The following SH3RF2 variants were observed in gnomAD, a reference collection of about 807,000 sequenced individuals.
The protein encoded by SH3RF2 is E3 ubiquitin-protein ligase SH3RF2.
SH3RF2 carries 43 observed loss-of-function variants against 59.0 expected under a neutral mutation model. The ratio of observed to expected loss-of-function variants is 0.73; its 90% CI spans 0.57 to 0.94. SH3RF2 has a LOEUF of 0.94. SH3RF2 is among the 40% of genes least tolerant of loss of function. The pLI is 0.00. For synonymous variants in SH3RF2, 391 were observed against 391.5 expected (o/e 1.00, Z 0.01); for missense variants, 930 against 940.1 (o/e 0.99, Z 0.14).
chr5:146,007,354 G>A (rs1351650477), intron 4 of SH3RF2, among the ~76,000 whole-genome samples: 1 of 152,212 alleles, frequency 6.6e-6, no homozygotes, highest in Non-Finnish European at 1.5e-5. Flanking sequence ...GATTGACAGA[G>A]GCAGGCGTAG....
At chr5:146,018,235 C>G (rs1456639386) in intron 5 of SH3RF2, among the ~76,000 whole-genome samples, 1 of 152,032 alleles carries the variant, frequency 6.6e-6, no homozygotes, top group Non-Finnish European at 1.5e-5. Context: ...AATTTTTCTT[C>G]CCTTAACCAC....
chr5:146,054,617 T>C (rs1364019644), intron 7 of SH3RF2, among the ~76,000 whole-genome samples: 1 of 152,212 alleles, frequency 6.6e-6, no homozygotes, highest in Admixed American at 6.5e-5. Context: ...CAGGTTGAAG[T>C]CCCCTTGCTG....
downstream of SH3RF2, among the ~76,000 whole-genome samples, chr5:146,065,719 G>A (rs79159860): frequency 5.2e-3 from 796 of 152,298 alleles, 8 homozygotes; most frequent in African/African-American, 0.018. Context: ...CATCTTTGTG[G>A]AGTTTTAAGA....
chr5:146,013,695 C>T (rs1297891013), intron 4 of SH3RF2, 52 bp from the exon 5 acceptor site: 18 of 1,602,208 alleles, frequency 1.1e-5, no homozygotes, highest in Non-Finnish European at 1.4e-5. Context: ...GAACTGGCTA[C>T]TCACATTAGA....
chr5:145,987,782 A>G (rs1759771666), intron 2 of SH3RF2, among the ~76,000 whole-genome samples: 1 of 152,222 alleles, frequency 6.6e-6, no homozygotes, highest in African/African-American at 2.4e-5. Context: ...TAGAGCTGGG[A>G]AGTCAGACCA....
exon 10 of SH3RF2, chr5:146,079,703 C>CGG (rs1580965685): frequency 6.6e-6 from 1 of 152,162 alleles, no homozygotes; most frequent in East Asian, 1.9e-4. Context: ...AGGCAGCCAT[C>CGG]TTTTAATGCG....
chr5:146,048,564 C>CT (rs1202879613), intron 6 of SH3RF2, among the ~76,000 whole-genome samples: 2 of 152,166 alleles, frequency 1.3e-5, no homozygotes, highest in African/African-American at 4.8e-5. Context: ...GTAGAGAACA[C>CT]TCCCCCATTC....
Position 146,070,979 on chromosome 5 carries a change from G to A in SH3RF2, c.*34-7481G>A, listed in dbSNP as rs142660463. Among the ~76,000 whole-genome samples, 243 of 152,238 alleles carry A rather than the reference G, an allele frequency of 1.6e-3. 2 individuals carry two copies. Among genetic ancestry groups the A allele is most frequent in the African/African-American group, 5.5e-3 (230 of 41,550 alleles). On this transcript the variant is annotated intron_variant, in intron 9 of 9. Coordinates refer to the SH3RF2 transcript ENST00000511217. ...GGAATCAGTGCTAGCATGACCGACC[G>A]ACTTAATGAGAGCCATTTTTGATGT...
chr5:145,958,308 A>G (rs1385370378), intron 2 of SH3RF2, among the ~76,000 whole-genome samples: 3 of 152,090 alleles, frequency 2.0e-5, no homozygotes, highest in Non-Finnish European at 4.4e-5. Context: ...TCCAGAGTCA[A>G]CTCAGACCAC....
At chr5:146,072,219 G>A (rs1763253370) in intron 9 of SH3RF2, among the ~76,000 whole-genome samples, 1 of 152,144 alleles carries the variant, frequency 6.6e-6, no homozygotes, top group African/African-American at 2.4e-5. Context: ...AGAAAAGTGG[G>A]AACAATAATC....
chr5:146,070,822 G>A (rs1403737146), intron 9 of SH3RF2, among the ~76,000 whole-genome samples: 2 of 152,226 alleles, frequency 1.3e-5, no homozygotes, highest in Non-Finnish European at 2.9e-5. Flanking sequence ...GGCAAATGGG[G>A]TCACTGCTGG....
chr5:146,063,859 AAAAAAAG>A (rs1407073407), downstream of SH3RF2, among the ~76,000 whole-genome samples: 1 of 151,078 alleles, frequency 6.6e-6, no homozygotes. Context: ...GATTCTGTCT[AAAAAAAG>A]AAAAAAGAAA....
At chr5:145,985,644 T>G (rs910106329) in intron 2 of SH3RF2, among the ~76,000 whole-genome samples, 2 of 152,194 alleles carry the variant, frequency 1.3e-5, no homozygotes, top group Admixed American at 1.3e-4. Context: ...TTTTGCCAAT[T>G]TGGTTTCATC....
chr5:146,039,126 C>G (rs550209574), intron 5 of SH3RF2, among the ~76,000 whole-genome samples: 74 of 152,100 alleles, frequency 4.9e-4, no homozygotes, highest in Non-Finnish European at 9.8e-4. Flanking sequence ...TTGGATTCCT[C>G]CCTTGTCAAA....
intron 2 of SH3RF2, chr5:145,997,884 C>A: frequency 1.0e-6 from 1 of 982,780 alleles, no homozygotes; most frequent in Non-Finnish European, 1.7e-6. Flanking sequence ...GCCAACAGAA[C>A]TCAGCTCTGA....
intron 4 of SH3RF2, among the ~76,000 whole-genome samples, chr5:146,010,668 A>G (rs1390248833): frequency 6.6e-6 from 1 of 152,188 alleles, no homozygotes; most frequent in Non-Finnish European, 1.5e-5. Context: ...TTTGCTGCAT[A>G]AATGTCTTCT....
chr5:146,060,047 G>A lies in SH3RF2; in HGVS notation c.1737G>A (p.Glu579=), dbSNP rs746180006. 2.6e-5 allele frequency: 42 copies of A among 1,613,376 alleles called. No individual in the cohort carries two copies. The Admixed American group carries it at 6.7e-4, about 26-fold the overall frequency. The part of the protein sequence containing the change: ...EMGSKPALTG[E]PALTCISRGS... ...GGTCCAAGCCTGCCCTCACGGGGGAGCCCGCCCTCACGTGCATCAGCAGGG... is the reference window on the plus strand; with the variant it reads ...GGTCCAAGCCTGCCCTCACGGGGGAACCCGCCCTCACGTGCATCAGCAGGG... The change falls in exon 9 of 10, where the codon GAG becomes GAA. Residue 579 remains glutamate, a synonymous_variant. Transcript: ENST00000359120.
intron 2 of SH3RF2, among the ~76,000 whole-genome samples, chr5:145,992,217 CA>C (rs35982240): frequency 6.6e-6 from 1 of 151,490 alleles, no homozygotes; most frequent in Admixed American, 6.6e-5. Context: ...GCAAAAAATA[CA>C]AAAAAAATTA....
At chr5:146,062,291 A>T in intron 9 of SH3RF2, 135 bp from the exon 10 acceptor site, 1 of 1,113,778 alleles carries the variant, frequency 9.0e-7, no homozygotes, top group Non-Finnish European at 1.3e-6. Flanking sequence ...CCCCCATCTT[A>T]GCACTTGACA....
Sources: allele counts gnomAD v4.1 joint callset (sites outside exome capture counted in the v4.1 genomes callset), GRCh38; gene constraint gnomAD v4.1.1; transcripts MANE v1.5; gene names NCBI Gene and HGNC (gene_info 2026-07-23, HGNC 2026-07-21).